The following CDK14 variants were observed in gnomAD, a reference collection of about 807,000 sequenced individuals.
The protein encoded by CDK14 is cyclin-dependent kinase 14.
In CDK14, 34 loss-of-function variants were observed where a neutral mutation model predicts 60.7. The ratio of observed to expected loss-of-function variants is 0.56; its 90% CI spans 0.43 to 0.75. The LOEUF (loss-of-function observed/expected upper bound fraction) is 0.75. Ranked by LOEUF, CDK14 falls within the 30% of genes least tolerant of loss-of-function variation. The probability of loss-of-function intolerance (pLI) is 0.00; values close to 1 mark genes in which losing one functional copy is unlikely to be tolerated. For synonymous variants in CDK14, 197 were observed against 203.7 expected, an observed-to-expected ratio of 0.97 and a Z score of 0.28; for missense variants, 482 against 564.1, an observed-to-expected ratio of 0.85 and a Z score of 1.47.
At chr7:91,190,955 G>A (rs1802342914) in intron 14 of CDK14, among the ~76,000 whole-genome samples, 1 of 152,172 alleles carries the variant, frequency 6.6e-6, no homozygotes, top group South Asian at 2.1e-4. Context: ...CAAAGTGAAT[G>A]ATTTGGGTCT....
In CDK14 at chr7:91,210,585, T is replaced by C. The variant is rs1803036198; in HGVS notation, c.*3449T>C. ...ATATGGAATAAAGTATAGCAGAATC[T>C]CCGTACATGTTCTAGGTACATCTTC... On this transcript the variant is annotated 3_prime_UTR_variant, in exon 15 of 15. Coordinates refer to ENST00000380050, the MANE Select transcript of CDK14 (RefSeq NM_001287135.2). The C allele has an allele frequency of 6.6e-6, 1 of 152,166 alleles. No homozygotes were observed. Among genetic ancestry groups the C allele is most frequent in the Non-Finnish European group, 1.5e-5 (1 of 68,022 alleles). 9.4% of individuals were successfully genotyped at this position (152,166 alleles called of 1,614,324 possible). A position where few individuals can be genotyped will look rare whatever the true frequency, so the allele number is the denominator to read the frequency against.
At chr7:90,877,110 A>C (rs981669520) in intron 6 of CDK14, among the ~76,000 whole-genome samples, 2 of 152,180 alleles carry the variant, frequency 1.3e-5, no homozygotes, top group African/African-American at 4.8e-5. Flanking sequence ...ATACATATTC[A>C]TACATTTGAC....
chr7:90,989,228 T>A (rs1352140409), intron 10 of CDK14, among the ~76,000 whole-genome samples: 1 of 152,110 alleles, frequency 6.6e-6, no homozygotes, highest in Non-Finnish European at 1.5e-5. Flanking sequence ...GCTTCATGAT[T>A]GGTTAGGGAA....
intron 8 of CDK14, among the ~76,000 whole-genome samples, chr7:90,924,405 G>C (rs1312338555): frequency 2.0e-5 from 3 of 150,630 alleles, no homozygotes; most frequent in Non-Finnish European, 3.0e-5. Flanking sequence ...GTTTTGGTGG[G>C]GACAAACATT....
chr7:90,710,025 C>A, intron 2 of CDK14: 1 of 906,772 alleles, frequency 1.1e-6, no homozygotes, highest in Non-Finnish European at 1.3e-6. Context: ...AGTCTGAATC[C>A]TGACTCACTC....
chr7:91,093,410 A>G (rs1798889913), intron 12 of CDK14, among the ~76,000 whole-genome samples: 1 of 152,206 alleles, frequency 6.6e-6, no homozygotes, highest in Non-Finnish European at 1.5e-5. Flanking sequence ...GACATTTAGA[A>G]AAAGGACAAA....
intron 9 of CDK14, among the ~76,000 whole-genome samples, chr7:90,969,518 A>T (rs1001636630): frequency 6.6e-6 from 1 of 152,194 alleles, no homozygotes; most frequent in African/African-American, 2.4e-5. Context: ...ACATTATTGC[A>T]TAAGGATTAA....
At chr7:90,702,904 C>A (rs1801817966) in intron 2 of CDK14, among the ~76,000 whole-genome samples, 1 of 152,050 alleles carries the variant, frequency 6.6e-6, no homozygotes, top group East Asian at 1.9e-4. Context: ...TGAGATTTTC[C>A]TAATTTTTCA....
chr7:91,044,776 T>C (rs1323501476), intron 10 of CDK14, among the ~76,000 whole-genome samples: 2 of 152,176 alleles, frequency 1.3e-5, no homozygotes, highest in African/African-American at 4.8e-5. Context: ...ATTTATCCAA[T>C]ATAGTTGGAA....
chr7:90,936,435 A>C (rs561633476), intron 8 of CDK14, among the ~76,000 whole-genome samples: 1 of 152,308 alleles, frequency 6.6e-6, no homozygotes, highest in South Asian at 2.1e-4. Context: ...CTTTTACCTC[A>C]AAATATTCAT....
chr7:90,664,691 A>G (rs1800935300), intron 2 of CDK14, among the ~76,000 whole-genome samples: 1 of 152,024 alleles, frequency 6.6e-6, no homozygotes, highest in South Asian at 2.1e-4. Flanking sequence ...TCGCAAGGAC[A>G]AAAAACCAAA....
chr7:90,810,610 A>G (rs1485692236), intron 5 of CDK14, among the ~76,000 whole-genome samples: 1 of 151,674 alleles, frequency 6.6e-6, no homozygotes, highest in South Asian at 2.1e-4. Context: ...TAGTGTTGGA[A>G]GCCAGGGCAA....
chr7:90,836,649 C>T (rs1377049138), intron 5 of CDK14, among the ~76,000 whole-genome samples: 7 of 152,088 alleles, frequency 4.6e-5, no homozygotes, highest in African/African-American at 1.7e-4. Flanking sequence ...AAATGGTATA[C>T]ATAAACCAGT....
chr7:90,875,761 GT>G (rs1168932690), intron 6 of CDK14, among the ~76,000 whole-genome samples: 19 of 151,144 alleles, frequency 1.3e-4, no homozygotes, highest in South Asian at 2.1e-4. Flanking sequence ...TTTCTCTCCC[GT>G]TTTCTAATTC....
intron 6 of CDK14, among the ~76,000 whole-genome samples, chr7:90,879,834 G>A (rs946942808): frequency 5.9e-5 from 9 of 151,756 alleles, no homozygotes; most frequent in African/African-American, 1.9e-4. Context: ...AGGAAGAGCA[G>A]TGTGGTATGG....
At chr7:90,722,988 A>G (rs1802510584) in intron 2 of CDK14, among the ~76,000 whole-genome samples, 3 of 152,192 alleles carry the variant, frequency 2.0e-5, no homozygotes, top group African/African-American at 7.2e-5. Context: ...ATGTTAAATC[A>G]AAGTGTTTGT....
At position 90,986,687 on chromosome 7, in the gene CDK14, T is replaced by G. The variant is rs367971259; in HGVS notation, c.1041+2446T>G. On this transcript the variant is annotated intron_variant, in intron 10 of 14. Transcript: ENST00000380050. ...TGACAAAAATGGCCAAGAGAGAACTTTAATGGGCTGTAGTTTATATAAATT... is the reference window on the plus strand; with the variant it reads ...TGACAAAAATGGCCAAGAGAGAACTGTAATGGGCTGTAGTTTATATAAATT... Among the ~76,000 whole-genome samples, 6 of 151,978 alleles carry G rather than the reference T, an allele frequency of 3.9e-5. No homozygotes were observed. In the East Asian group the frequency reaches 1.2e-3, roughly 29 times the overall value.
chr7:90,674,662 A>G (rs770318153), intron 2 of CDK14, among the ~76,000 whole-genome samples: 1 of 152,184 alleles, frequency 6.6e-6, no homozygotes, highest in Non-Finnish European at 1.5e-5. Context: ...CATAAAATGC[A>G]TAATTATGGT....
At chr7:91,024,656 TA>T (rs1323370840) in intron 10 of CDK14, among the ~76,000 whole-genome samples, 3 of 152,116 alleles carry the variant, frequency 2.0e-5, no homozygotes, top group Non-Finnish European at 4.4e-5. Context: ...GTCTCAAAAA[TA>T]AATAACTAAA....
Sources: allele counts gnomAD v4.1 joint callset (sites outside exome capture counted in the v4.1 genomes callset), GRCh38; gene constraint gnomAD v4.1.1; transcripts MANE v1.5; gene names NCBI Gene and HGNC (gene_info 2026-07-23, HGNC 2026-07-21).